HNRNPH1: variants seen among roughly 807,000 people sequenced by gnomAD.
The protein encoded by HNRNPH1 is heterogeneous nuclear ribonucleoprotein H1, also known as heterogeneous nuclear ribonucleoprotein H.
HNRNPH1 carries 4 observed loss-of-function variants against 58.6 expected under a neutral mutation model. The ratio of observed to expected loss-of-function variants is 0.07; its 90% CI spans 0.03 to 0.16. The LOEUF is 0.16. Ranked by LOEUF, HNRNPH1 falls within the 10% of genes least tolerant of loss-of-function variation. The pLI, the probability that HNRNPH1 is intolerant of heterozygous loss-of-function variation, is 1.00. For synonymous variants in HNRNPH1, 192 were observed against 189.2 expected, an observed-to-expected ratio of 1.01 and a Z score of -0.12; for missense variants, 271 against 564.2, an observed-to-expected ratio of 0.48 and a Z score of 5.26.
chr5:179,623,056 T>C (rs771623173), exon 1 of HNRNPH1: 6 of 1,584,834 alleles, frequency 3.8e-6, no homozygotes, highest in Non-Finnish European at 5.2e-6. Flanking sequence ...ACCTCTGCAC[T>C]TCATCGGCCG....
At chr5:179,632,051 A>C (rs1774872145) in intron 2 of HNRNPH1, among the ~76,000 whole-genome samples, 1 of 151,358 alleles carries the variant, frequency 6.6e-6, no homozygotes, top group Non-Finnish European at 1.5e-5. Context: ...TCACGCCTGT[A>C]ATCCCAGCAC....
At chr5:179,631,743 A>C (rs1437410304) in intron 2 of HNRNPH1, among the ~76,000 whole-genome samples, 2 of 144,924 alleles carry the variant, frequency 1.4e-5, no homozygotes, top group Middle Eastern at 3.3e-3. Flanking sequence ...GCAAGACCTC[A>C]AAAAAAAAAA....
intron 1 of HNRNPH1, chr5:179,621,713 G>A: frequency 2.5e-6 from 1 of 405,760 alleles, no homozygotes. Context: ...ATCAAGCCTG[G>A]ACTGTGTGAC....
chr5:179,615,801 TTTAA>T (rs1562205650), intron 11 of HNRNPH1: 13 of 518,864 alleles, frequency 2.5e-5, no homozygotes, highest in South Asian at 1.3e-4. Flanking sequence ...AACAACTTTA[TTTAA>T]TGTTTTAATA....
chr5:179,622,171 G>T (rs1772730928), intron 1 of HNRNPH1, among the ~76,000 whole-genome samples: 1 of 152,182 alleles, frequency 6.6e-6, no homozygotes, highest in South Asian at 2.1e-4. Context: ...CAACTGTATA[G>T]TGAGCCAGAT....
At position 179,622,999 on chromosome 5, in the gene HNRNPH1, C is replaced by CCTCGAA. The variant is rs767987530; in HGVS notation, c.97+32_97+37dup. On this transcript the variant is annotated intron_variant, in intron 1 of 12. Coordinates refer to ENST00000356731, the Ensembl canonical transcript of HNRNPH1. ...CCGCCCGCCAGCCCGCCCGCCCCGG[C>CCTCGAA]CTCGAACTCGAACTCCCGCGTCCTA... The CCTCGAA allele has an allele frequency of 5.5e-4, 534 of 969,386 alleles. 1 individual carries two copies. Among genetic ancestry groups the CCTCGAA allele is most frequent in the Non-Finnish European group, 6.9e-4 (493 of 717,224 alleles). The allele number at this position is 969,386 out of a possible 1,614,324, so 60.0% of individuals were successfully genotyped here.
chr5:179,623,352 C>A (rs1773666901), exon 1 of HNRNPH1: 3 of 378,710 alleles, frequency 7.9e-6, no homozygotes, highest in South Asian at 7.9e-5. Flanking sequence ...GCTGTCGGCG[C>A]CCCGAACCGT....
At chr5:179,627,617 T>G (rs1266606334), upstream of HNRNPH1, among the ~76,000 whole-genome samples, 1 of 151,856 alleles carries the variant, frequency 6.6e-6, no homozygotes, top group Non-Finnish European at 1.5e-5. Flanking sequence ...TTCTTGTGCC[T>G]CAATCTCCCA....
chr5:179,618,660 G>A, intron 4 of HNRNPH1: 1 of 190,824 alleles, frequency 5.2e-6, no homozygotes, highest in Non-Finnish European at 1.1e-5. Context: ...TTGGCAGCAT[G>A]TATAGCAAGT....
chr5:179,632,934 T>C (rs1774972225), intron 2 of HNRNPH1, among the ~76,000 whole-genome samples: 1 of 142,560 alleles, frequency 7.0e-6, no homozygotes, highest in Admixed American at 7.7e-5. Flanking sequence ...CTCGGCTCAC[T>C]GCAACATCCA....
At chr5:179,616,662 T>G in intron 10 of HNRNPH1, 1 of 584,022 alleles carries the variant, frequency 1.7e-6, no homozygotes, top group East Asian at 2.8e-5. Flanking sequence ...CCCCCAAGAC[T>G]ACTTAAACCT....
rs757321283 is a variant in HNRNPH1, at chr5:179,621,039, A to G, written c.254-4T>C. The G allele has an allele frequency of 4.3e-6, 7 of 1,613,228 alleles. No homozygotes were observed. In the South Asian group the frequency reaches 5.5e-5, roughly 13 times the overall value. ...TCAACGTTGTTTGACTTGAATACTG[A>G]AAGAGGTGCTTAGAATTAGTCACTT... On this transcript the variant is annotated splice_polypyrimidine_tract_variant and splice_region_variant and intron_variant, in intron 2 of 12. Coordinates refer to ENST00000356731, the Ensembl canonical transcript of HNRNPH1.
chr5:179,633,048 G>A (rs1449371880), intron 2 of HNRNPH1, among the ~76,000 whole-genome samples: 1 of 151,654 alleles, frequency 6.6e-6, no homozygotes, highest in African/African-American at 2.4e-5. Context: ...TAGTAGAGAC[G>A]GGGTTTCACC....
At chr5:179,632,005 A>T (rs1774865210) in intron 2 of HNRNPH1, among the ~76,000 whole-genome samples, 1 of 152,032 alleles carries the variant, frequency 6.6e-6, no homozygotes, top group South Asian at 2.1e-4. Context: ...AGCTGCGGAG[A>T]CTTAAGAAAA....
At chr5:179,622,931 CG>C (rs1306701155) in intron 1 of HNRNPH1, 105 bp downstream of exon 2, 4 of 131,114 alleles carry the variant, frequency 3.1e-5, no homozygotes, top group African/African-American at 1.2e-4. Flanking sequence ...CCACCCGGCC[CG>C]GCCCGGCCCG....
intron 4 of HNRNPH1, 149 bp from the exon 6 acceptor site, chr5:179,618,472 C>G (rs1770819910): frequency 4.1e-6 from 2 of 485,920 alleles, no homozygotes; most frequent in Non-Finnish European, 7.1e-6. Context: ...TTTGCATAGG[C>G]AATGACCAGA....
intron 4 of HNRNPH1, 23 bp downstream of exon 5, chr5:179,619,246 T>C: frequency 6.3e-7 from 1 of 1,584,812 alleles, no homozygotes; most frequent in Non-Finnish European, 8.6e-7. Context: ...AAGTGACATA[T>C]CCAACCAACC....
At chr5:179,633,283 G>A (rs975798087) in intron 2 of HNRNPH1, among the ~76,000 whole-genome samples, 8 of 123,298 alleles carry the variant, frequency 6.5e-5, no homozygotes, top group Admixed American at 4.8e-4. Flanking sequence ...GAGCCACCAC[G>A]CCCGGCCTGT....
chr5:179,624,806 C>T (rs1366124564), upstream of HNRNPH1: 1 of 387,756 alleles, frequency 2.6e-6, no homozygotes, highest in Non-Finnish European at 4.5e-6. Context: ...CGCAGAGCTA[C>T]CTTAGCTAGT....
Sources: allele counts gnomAD v4.1 joint callset (sites outside exome capture counted in the v4.1 genomes callset), GRCh38; gene constraint gnomAD v4.1.1; transcripts MANE v1.5; gene names NCBI Gene and HGNC (gene_info 2026-07-23, HGNC 2026-07-21).